GRK5: variants seen among roughly 807,000 people sequenced by gnomAD.
GRK5 encodes the protein g protein-coupled receptor kinase GRK5.
Under a neutral mutation model 78.4 loss-of-function variants are expected in GRK5, and 40 were observed. That is an observed-to-expected ratio of 0.51 (90% CI 0.40 to 0.66). GRK5 has a LOEUF of 0.66. Ranked by LOEUF, GRK5 falls within the 30% of genes least tolerant of loss-of-function variation. GRK5 has a pLI of 0.00. For synonymous variants in GRK5, 289 were observed against 296.8 expected (o/e 0.97, Z 0.27); for missense variants, 598 against 759.9 (o/e 0.79, Z 2.50).
chr10:119,403,324 G>A (rs192918426), intron 4 of GRK5, among the ~76,000 whole-genome samples: 196 of 152,042 alleles, frequency 1.3e-3, no homozygotes, highest in African/African-American at 4.2e-3. Context: ...CTGCCACCAC[G>A]CCCTGCTAAT....
chr10:119,420,069 C>T (rs900804255), intron 4 of GRK5, among the ~76,000 whole-genome samples: 5 of 152,190 alleles, frequency 3.3e-5, no homozygotes, highest in Admixed American at 2.6e-4. Context: ...GTTCAAATCC[C>T]CTCTCAGGCA....
intron 1 of GRK5, among the ~76,000 whole-genome samples, chr10:119,312,683 A>G (rs1239536160): frequency 6.6e-6 from 1 of 152,178 alleles, no homozygotes; most frequent in East Asian, 1.9e-4. Context: ...TAGGGGCCGA[A>G]TCATGGTGCC....
At chr10:119,384,538 G>A (rs986586828) in intron 3 of GRK5, among the ~76,000 whole-genome samples, 14 of 152,174 alleles carry the variant, frequency 9.2e-5, no homozygotes, top group African/African-American at 2.4e-4. Flanking sequence ...AGTTCTTACC[G>A]CTCACAACCA....
At chr10:119,371,738 C>A (rs549519393) in intron 2 of GRK5, among the ~76,000 whole-genome samples, 1 of 152,212 alleles carries the variant, frequency 6.6e-6, no homozygotes, top group Non-Finnish European at 1.5e-5. Context: ...CCAGCTACCT[C>A]CTATCTCCTT....
intron 1 of GRK5, among the ~76,000 whole-genome samples, chr10:119,297,353 A>G (rs1850100183): frequency 6.6e-6 from 1 of 152,184 alleles, no homozygotes. Context: ...AATTGTCATC[A>G]CCACCTCTGT....
chr10:119,424,170 G>A (rs1852626442), intron 5 of GRK5, among the ~76,000 whole-genome samples: 1 of 152,180 alleles, frequency 6.6e-6, no homozygotes, highest in African/African-American at 2.4e-5. Context: ...CCAACAGTGG[G>A]TGGGGTCTTG....
At position 119,267,647 on chromosome 10, in the gene GRK5, C is replaced by G. The variant is rs1162283748; in HGVS notation, c.53-58869C>G. On this transcript the variant is annotated intron_variant, in intron 1 of 15. Coordinates refer to ENST00000392870, the MANE Select transcript of GRK5 (RefSeq NM_005308.3). This position sits in a 1 kb window ranked among gnomAD's most constrained non-coding sequence, Gnocchi z 4.1. Reference sequence around the variant, plus strand: ...AAAAGCACCGAACCAGCCTTAGGTTCTATAGCAAGGAGGTCCAGCACCGCT... The same window carrying G: ...AAAAGCACCGAACCAGCCTTAGGTTGTATAGCAAGGAGGTCCAGCACCGCT... 6.6e-6 allele frequency among the ~76,000 whole-genome samples: 1 copy of G among 152,188 alleles called. No homozygotes were observed. Among genetic ancestry groups the G allele is most frequent in the East Asian group, 1.9e-4 (1 of 5,194 alleles).
chr10:119,436,485 C>A (rs1397921763), intron 8 of GRK5, among the ~76,000 whole-genome samples, 166 bp from the exon 9 acceptor site: 1 of 152,226 alleles, frequency 6.6e-6, no homozygotes, highest in African/African-American at 2.4e-5. Context: ...CCCTTATCAG[C>A]CAAGGAGGCC....
chr10:119,288,690 G>T (rs1488423351), intron 1 of GRK5, among the ~76,000 whole-genome samples: 2 of 152,222 alleles, frequency 1.3e-5, no homozygotes, highest in Non-Finnish European at 2.9e-5. Context: ...GCATGGACTG[G>T]CTTAGGTGTG....
At chr10:119,313,066 TG>T (rs1247350746) in intron 1 of GRK5, among the ~76,000 whole-genome samples, 1 of 151,210 alleles carries the variant, frequency 6.6e-6, no homozygotes, top group African/African-American at 2.4e-5. Context: ...ATGATGGTGG[TG>T]GTGATGGTGG....
chr10:119,372,055 G>A (rs1238488680), intron 2 of GRK5, among the ~76,000 whole-genome samples: 1 of 152,180 alleles, frequency 6.6e-6, no homozygotes, highest in East Asian at 1.9e-4. Flanking sequence ...GCACATCCCT[G>A]GCCTCCACCC....
chr10:119,279,725 A>T (rs1021721076), intron 1 of GRK5, among the ~76,000 whole-genome samples: 1 of 152,108 alleles, frequency 6.6e-6, no homozygotes, highest in African/African-American at 2.4e-5. Flanking sequence ...AAGAAGAGCC[A>T]CGCAGCAGCA....
intron 1 of GRK5, among the ~76,000 whole-genome samples, chr10:119,210,134 G>T (rs1848462937): frequency 6.6e-6 from 1 of 152,054 alleles, no homozygotes; most frequent in Non-Finnish European, 1.5e-5. Flanking sequence ...TCAAGAATGT[G>T]CCTTTCACTT....
At chr10:119,305,214 G>A (rs1850253871) in intron 1 of GRK5, among the ~76,000 whole-genome samples, 1 of 152,042 alleles carries the variant, frequency 6.6e-6, no homozygotes, top group Non-Finnish European at 1.5e-5. Flanking sequence ...CTCCAAGGCT[G>A]TGGGAACCCG....
chr10:119,423,860 C>T (rs905990776), intron 5 of GRK5, among the ~76,000 whole-genome samples: 3 of 152,136 alleles, frequency 2.0e-5, no homozygotes, highest in African/African-American at 4.8e-5. Flanking sequence ...AGCCAGGTTA[C>T]CCCACATAGT....
intron 6 of GRK5, among the ~76,000 whole-genome samples, chr10:119,427,814 C>A (rs917650805): frequency 2.7e-5 from 4 of 149,482 alleles, no homozygotes; most frequent in African/African-American, 1.0e-4. Flanking sequence ...AACAGCATCA[C>A]CACCATCATC....
chr10:119,343,517 C>T (rs1218071764), intron 2 of GRK5, among the ~76,000 whole-genome samples: 1 of 152,196 alleles, frequency 6.6e-6, no homozygotes, highest in Non-Finnish European at 1.5e-5. Flanking sequence ...GGAAGTGGAG[C>T]CTGGATTCAC....
At chr10:119,333,862 C>T in intron 2 of GRK5, 1 of 531,620 alleles carries the variant, frequency 1.9e-6, no homozygotes, top group Non-Finnish European at 3.8e-6. Context: ...CAAGAAAGTT[C>T]CACAGGGTAT....
rs1849867312 is a variant in GRK5 at position 119,287,319 on chromosome 10, AG to A, written c.53-39194del. The stretch of plus-strand genomic sequence containing the variant: ...AGGGAAGAAAGGAAGGGAGGGAGAG[AG>A]GGAGGGAGGAAGGGAGAGAGGAGGA... On this transcript the variant is annotated intron_variant, in intron 1 of 15. Coordinates refer to ENST00000392870, the MANE Select transcript of GRK5 (RefSeq NM_005308.3). Among the ~76,000 whole-genome samples, 2 of 35,222 alleles carry A rather than the reference AG, an allele frequency of 5.7e-5. 1 individual carries two copies. Among genetic ancestry groups the A allele is most frequent in the East Asian group, 2.4e-3 (2 of 832 alleles). 23.1% of individuals were successfully genotyped at this position (35,222 alleles called of 152,430 possible). A position where few individuals can be genotyped will look rare whatever the true frequency, so the allele number is the denominator to read the frequency against.
Sources: gnomAD v4.1 joint callset for allele counts (sites outside exome capture counted in the v4.1 genomes callset) on GRCh38, gnomAD v4.1.1 for gene constraint, Gnocchi (gnomAD v3.1) non-coding constraint, MANE v1.5 for transcripts, NCBI Gene and HGNC (gene_info 2026-07-23, HGNC 2026-07-21) for gene names.